Variants in TTC34 observed in about 807,000 individuals in gnomAD.
The protein encoded by TTC34 is tetratricopeptide repeat domain 34.
A neutral mutation model predicts 40.7 loss-of-function variants in TTC34; 44 were observed. The observed-to-expected ratio is 1.08, with a 90% CI of 0.85 to 1.39. The LOEUF is 1.39. TTC34 is among the 40% of genes most tolerant of loss of function. The probability of loss-of-function intolerance (pLI) is 0.00; values close to 1 mark genes in which losing one functional copy is unlikely to be tolerated. For synonymous variants in TTC34, 422 were observed against 398.6 expected (o/e 1.06, Z -0.70); for missense variants, 884 against 838.0 (o/e 1.05, Z -0.68).
chr1:2,753,326 T>C (rs1416927043), intron 6 of TTC34, among the ~76,000 whole-genome samples: 9,748 of 45,954 alleles, frequency 0.21, 129 homozygotes, highest in Non-Finnish European at 0.24. Context: ...GCCTGGAGCA[T>C]CACCCACACC....
chr1:2,790,213 C>A, exon 3 of TTC34: 1 of 398,418 alleles, frequency 2.5e-6, no homozygotes, highest in Middle Eastern at 6.3e-4. Context: ...AGAACACGGC[C>A]TGGAACTGCC....
At chr1:2,694,718 T>G (rs1640779694) in intron 6 of TTC34, among the ~76,000 whole-genome samples, 1 of 75,464 alleles carries the variant, frequency 1.3e-5, no homozygotes, top group Admixed American at 1.3e-4. Context: ...CAACCACAGG[T>G]GAGCATCTGA....
exon 3 of TTC34, chr1:2,789,708 C>T: frequency 9.3e-7 from 1 of 1,072,092 alleles, no homozygotes; most frequent in Non-Finnish European, 1.2e-6. Flanking sequence ...GTGACATAGT[C>T]CAGCGTGCCC....
Position 2,778,233 on chromosome 1 carries a change from G to C in TTC34, c.2226+5376C>G, listed in dbSNP as rs377578722. Among the ~76,000 whole-genome samples, 32 of 152,338 alleles carry C rather than the reference G, an allele frequency of 2.1e-4. 1 individual carries two copies. The highest frequency in any genetic ancestry group is 7.5e-4 in the African/African-American group (31 of 41,576). On this transcript the variant is annotated intron_variant, in intron 6 of 8. Coordinates refer to ENST00000401095, the Ensembl canonical transcript of TTC34. ...AGAACTCCAGCCCTTAAGAAAATCAGAAGCCCTGGCAGGCACATTGCCTCT... is the reference window on the plus strand; with the variant it reads ...AGAACTCCAGCCCTTAAGAAAATCACAAGCCCTGGCAGGCACATTGCCTCT...
chr1:2,683,655 C>G (rs1342617964), intron 6 of TTC34, among the ~76,000 whole-genome samples: 4 of 149,436 alleles, frequency 2.7e-5, no homozygotes, highest in African/African-American at 1.0e-4. Flanking sequence ...ATCTGACAGC[C>G]TGGAGCAGCA....
At chr1:2,673,776 T>C (rs1639787249) in intron 6 of TTC34, among the ~76,000 whole-genome samples, 2 of 17,328 alleles carry the variant, frequency 1.2e-4, no homozygotes, top group Non-Finnish European at 2.5e-4. Context: ...GAGAATCTGA[T>C]TGTCTGGAGC....
intron 6 of TTC34, among the ~76,000 whole-genome samples, chr1:2,694,187 AC>A (rs1422028174): frequency 8.4e-3 from 886 of 105,668 alleles, no homozygotes; most frequent in East Asian, 0.014. Context: ...CGGCACCCAC[AC>A]CCCCAGGTGA....
At chr1:2,795,626 C>T (rs141586699) in intron 2 of TTC34, among the ~76,000 whole-genome samples, 5 of 152,334 alleles carry the variant, frequency 3.3e-5, no homozygotes, top group South Asian at 4.1e-4. Flanking sequence ...AGATTCTGTA[C>T]GGAGAACAGA....
At chr1:2,691,641 A>G in intron 6 of TTC34, among the ~76,000 whole-genome samples, 1 of 116,360 alleles carries the variant, frequency 8.6e-6, no homozygotes, top group African/African-American at 3.1e-5. Context: ...TGCGCACGTG[A>G]CAGCCTGGAA....
At chr1:2,787,622 A>G (rs1253535032) in exon 4 of TTC34, 1 of 1,549,850 alleles carries the variant, frequency 6.5e-7, no homozygotes, top group African/African-American at 1.4e-5. Context: ...GGTACAGGGC[A>G]TCAGCCGCCA....
At chr1:2,683,414 C>G (rs1348160536) in intron 6 of TTC34, among the ~76,000 whole-genome samples, 2 of 146,674 alleles carry the variant, frequency 1.4e-5, no homozygotes, top group Non-Finnish European at 3.0e-5. Flanking sequence ...ATCCGATAGC[C>G]TGGAACACCA....
chr1:2,767,597 T>C (rs1313405302), intron 6 of TTC34, among the ~76,000 whole-genome samples: 624 of 60,934 alleles, frequency 0.01, no homozygotes, highest in Middle Eastern at 0.057. Context: ...TGGAACAGCA[T>C]CCACACCCCC....
intron 6 of TTC34, among the ~76,000 whole-genome samples, chr1:2,691,784 C>T: frequency 1.0e-5 from 1 of 96,482 alleles, no homozygotes; most frequent in South Asian, 3.1e-4. Context: ...GCACCCACAC[C>T]CCCAGGCGAG....
intron 6 of TTC34, among the ~76,000 whole-genome samples, chr1:2,674,720 C>CAA (rs1639830675): frequency 1.3e-5 from 1 of 74,074 alleles, no homozygotes; most frequent in Non-Finnish European, 2.8e-5. Flanking sequence ...GCACCCTGCA[C>CAA]CCCCAGGTGA....
At chr1:2,688,512 C>T (rs1640477690) in intron 6 of TTC34, among the ~76,000 whole-genome samples, 2 of 147,434 alleles carry the variant, frequency 1.4e-5, no homozygotes, top group African/African-American at 2.7e-5. Context: ...CATCTGACAG[C>T]CTGTAACAGT....
At position 2,752,048 on chromosome 1, in the gene TTC34, A is replaced by G. The variant is rs1480125569; in HGVS notation, c.2226+31561T>C. ...TCTGACAGCGTGGAGCAGCACCGAC[A>G]CCCCCAGGCGAACATCTGAACGCAC... On this transcript the variant is annotated intron_variant, in intron 6 of 8. Coordinates refer to ENST00000401095, the Ensembl canonical transcript of TTC34. 5.3e-5 allele frequency among the ~76,000 whole-genome samples: 6 copies of G among 114,172 alleles called. 2 individuals carry two copies. The highest frequency in any genetic ancestry group is 2.4e-4 in the African/African-American group (6 of 24,922). 74.9% of individuals were successfully genotyped at this position (114,172 alleles called of 152,430 possible). A position where few individuals can be genotyped will look rare whatever the true frequency, so the allele number is the denominator to read the frequency against.
intron 2 of TTC34, among the ~76,000 whole-genome samples, chr1:2,795,095 A>T (rs1643699487): frequency 6.6e-6 from 1 of 152,082 alleles, no homozygotes; most frequent in Non-Finnish European, 1.5e-5. Flanking sequence ...ACAAAAAAAA[A>T]AAAAAATTAG....
intron 3 of TTC34, 76 bp from the exon 4 acceptor site, chr1:2,787,782 G>T: frequency 7.9e-7 from 1 of 1,262,806 alleles, no homozygotes. Flanking sequence ...GGGCAGTGGG[G>T]AAATCCCGTC....
At chr1:2,767,420 C>G (rs1641801518) in intron 6 of TTC34, among the ~76,000 whole-genome samples, 1 of 144,764 alleles carries the variant, frequency 6.9e-6, no homozygotes, top group African/African-American at 2.5e-5. Context: ...GAGCATCTGA[C>G]CGCATGGAAT....
Sources: gnomAD v4.1 joint callset for allele counts (sites outside exome capture counted in the v4.1 genomes callset) on GRCh38, gnomAD v4.1.1 for gene constraint, MANE v1.5 for transcripts, NCBI Gene and HGNC (gene_info 2026-07-23, HGNC 2026-07-21) for gene names.